Variants in DSCAM observed in about 807,000 individuals in gnomAD.
The protein encoded by DSCAM is cell adhesion molecule DSCAM.
Under a neutral mutation model 217.7 loss-of-function variants are expected in DSCAM, and 47 were observed. The observed-to-expected ratio is 0.22, with a 90% CI of 0.17 to 0.28. The LOEUF (loss-of-function observed/expected upper bound fraction) is 0.28, where lower values mean the gene tolerates loss of function less well. DSCAM is among the 10% of genes least tolerant of loss of function. DSCAM has a pLI of 1.00. For synonymous variants in DSCAM, 1,056 were observed against 1,015.3 expected, an observed-to-expected ratio of 1.04 and a Z score of -0.76; for missense variants, 2,080 against 2,618.3, an observed-to-expected ratio of 0.79 and a Z score of 4.49.
chr21:40,718,255 G>A (rs917318435), intron 1 of DSCAM, among the ~76,000 whole-genome samples: 2 of 152,146 alleles, frequency 1.3e-5, no homozygotes, highest in Non-Finnish European at 2.9e-5. Context: ...TTGGAAATAG[G>A]AGTCCAAGAC....
rs576161361 is a variant in DSCAM, at chr21:40,517,123, G to GTA, written c.509-147880_509-147879dup. Among the ~76,000 whole-genome samples, 1,101 of 146,208 alleles carry GTA rather than the reference G, an allele frequency of 7.5e-3. 11 individuals are homozygous for GTA. Among genetic ancestry groups the GTA allele is most frequent in the African/African-American group, 0.024 (942 of 39,778 alleles). On this transcript the variant is annotated intron_variant, in intron 3 of 32. Transcript: ENST00000400454. ...ATATACCCCCACACATACCTTATGT[G>GTA]TATATATATATACCTTATATATTTA...
At chr21:40,342,626 G>GTGTATA (rs1491362590) in intron 6 of DSCAM, among the ~76,000 whole-genome samples, 40 of 94,712 alleles carry the variant, frequency 4.2e-4, no homozygotes, top group Non-Finnish European at 7.1e-4. Flanking sequence ...GTGTGTGTGT[G>GTGTATA]TATATATATA....
intron 3 of DSCAM, among the ~76,000 whole-genome samples, chr21:40,653,287 G>A (rs1041201711): frequency 3.3e-5 from 5 of 152,216 alleles, no homozygotes; most frequent in African/African-American, 1.2e-4. Context: ...TCCTGTTAAC[G>A]ACACGGTCTT....
At chr21:40,805,910 A>G (rs563066410) in intron 1 of DSCAM, among the ~76,000 whole-genome samples, 1 of 151,994 alleles carries the variant, frequency 6.6e-6, no homozygotes, top group South Asian at 2.1e-4. Flanking sequence ...GGGTTTCACC[A>G]TGTTAGCCAG....
rs562454689 is a variant in DSCAM at position 40,498,260 on chromosome 21, C to T, written c.509-129015G>A. ...TGAAGGCAACAATGACCCACCATTACGAGCTGAGTAACCTTAAAGAGCTCA... is the reference window on the plus strand; with the variant it reads ...TGAAGGCAACAATGACCCACCATTATGAGCTGAGTAACCTTAAAGAGCTCA... On this transcript the variant is annotated intron_variant, in intron 3 of 32. Transcript: ENST00000400454. Among the ~76,000 whole-genome samples, 4 of 152,202 alleles carry T rather than the reference C, an allele frequency of 2.6e-5. No individual in the cohort carries two copies. The East Asian group carries it at 7.7e-4, about 29-fold the overall frequency.
intron 3 of DSCAM, among the ~76,000 whole-genome samples, chr21:40,466,750 A>G (rs889327420): frequency 6.6e-6 from 1 of 152,046 alleles, no homozygotes; most frequent in Non-Finnish European, 1.5e-5. Flanking sequence ...TGAGGGTAAC[A>G]TGTTATAAAT....
chr21:40,556,632 T>A (rs1389266623), intron 3 of DSCAM, among the ~76,000 whole-genome samples: 1 of 150,910 alleles, frequency 6.6e-6, no homozygotes, highest in East Asian at 2.0e-4. Context: ...TGTGTGAAGA[T>A]CACATGGAGA....
chr21:40,657,605 A>G (rs944675680), intron 3 of DSCAM, among the ~76,000 whole-genome samples: 2 of 152,224 alleles, frequency 1.3e-5, no homozygotes, highest in African/African-American at 2.4e-5. Context: ...ACCCTAAAGC[A>G]ATGTGACCAC....
intron 32 of DSCAM, among the ~76,000 whole-genome samples, chr21:40,040,929 A>G (rs1045728098): frequency 2.1e-5 from 1 of 47,668 alleles, no homozygotes; most frequent in Admixed American, 2.2e-4. Flanking sequence ...AACAACACGA[A>G]AAAAAAAAAA....
Position 40,101,127 on chromosome 21 carries a change from A to G in DSCAM, c.3697-7253T>C, listed in dbSNP as rs144039093. Among the ~76,000 whole-genome samples, 445 of 152,304 alleles carry G rather than the reference A, an allele frequency of 2.9e-3. 3 individuals carry two copies. The highest frequency in any genetic ancestry group is 0.01 in the African/African-American group (421 of 41,572). On this transcript the variant is annotated intron_variant, in intron 20 of 32. Transcript: ENST00000400454. Reference sequence around the variant, plus strand: ...GCTTATTTTTAATCCTGCTCTGTCTATGCCCAGCTTGAGGAAGTGGATGGG... The same window carrying G: ...GCTTATTTTTAATCCTGCTCTGTCTGTGCCCAGCTTGAGGAAGTGGATGGG...
chr21:40,075,095 A>T lies in DSCAM; in HGVS notation c.4830T>A (p.Phe1610Leu), dbSNP rs1183479220. The T allele has an allele frequency of 1.2e-6, 2 of 1,614,064 alleles. No individual in the cohort carries two copies. Among genetic ancestry groups the T allele is most frequent in the Non-Finnish European group, 1.7e-6 (2 of 1,180,036 alleles). ...TCCTCCGCACAACCAGCAGGAGCAC[A>T]AACAGCAGCAAGACCCCCACCAGGA... ...SCILVGVLLL[F>L]VLLLVVRRRR... The change falls in exon 27 of 33, where the codon TTT (phenylalanine) becomes TTA (leucine). Residue 1610 changes from phenylalanine to leucine, a missense_variant. By Grantham distance (22) the Phe-to-Leu change is conservative. Around this residue, in one of 5 missense-constraint regions of DSCAM, gnomAD observed 1,144 missense variants for 1,421.1 expected, o/e 0.81. Coordinates refer to ENST00000400454, the MANE Select transcript of DSCAM (RefSeq NM_001389.5).
chr21:40,736,520 G>A (rs7283625), intron 1 of DSCAM, among the ~76,000 whole-genome samples: 6,845 of 152,232 alleles, frequency 0.045, 153 homozygotes, highest in Middle Eastern at 0.085. Flanking sequence ...GTATCCACAG[G>A]GTTGATTTCT....
intron 3 of DSCAM, among the ~76,000 whole-genome samples, chr21:40,497,942 T>C (rs2076132567): frequency 6.6e-6 from 1 of 152,226 alleles, no homozygotes; most frequent in Non-Finnish European, 1.5e-5. Context: ...ACTAAAATTA[T>C]GAAATATGAA....
At chr21:40,627,432 C>T (rs953259005) in intron 3 of DSCAM, among the ~76,000 whole-genome samples, 5 of 152,176 alleles carry the variant, frequency 3.3e-5, no homozygotes, top group Non-Finnish European at 7.4e-5. Context: ...AAAGCCTTAA[C>T]AATTCTGTGA....
At chr21:40,456,899 C>T (rs1453430164) in intron 3 of DSCAM, among the ~76,000 whole-genome samples, 1 of 151,996 alleles carries the variant, frequency 6.6e-6, no homozygotes, top group Non-Finnish European at 1.5e-5. Flanking sequence ...ATTGTCTCTC[C>T]ACATTTATTC....
At chr21:40,453,422 A>G (rs1325226905) in intron 3 of DSCAM, among the ~76,000 whole-genome samples, 1 of 152,188 alleles carries the variant, frequency 6.6e-6, no homozygotes, top group African/African-American at 2.4e-5. Context: ...GCACTATGAC[A>G]GGCAAATGAC....
At chr21:40,433,831 G>A (rs952141879) in intron 3 of DSCAM, among the ~76,000 whole-genome samples, 18 of 152,192 alleles carry the variant, frequency 1.2e-4, no homozygotes, top group African/African-American at 4.3e-4. Flanking sequence ...GACATCATCT[G>A]AGGTAGAAGA....
intron 32 of DSCAM, among the ~76,000 whole-genome samples, chr21:40,015,415 CTCT>C (rs944908816): frequency 6.9e-5 from 4 of 57,920 alleles, no homozygotes; most frequent in African/African-American, 1.7e-4. Context: ...TATCTCTTGA[CTCT>C]TTTTTTTTTT....
chr21:40,230,589 A>G (rs1368710047), intron 11 of DSCAM, among the ~76,000 whole-genome samples: 2 of 152,130 alleles, frequency 1.3e-5, no homozygotes, highest in Non-Finnish European at 2.9e-5. Context: ...ATTTATTGCT[A>G]TACATTTTAC....
Sources: allele counts gnomAD v4.1 joint callset (sites outside exome capture counted in the v4.1 genomes callset), GRCh38; gene constraint gnomAD v4.1.1; regional missense constraint gnomAD v4.1.1; transcripts MANE v1.5; gene names NCBI Gene and HGNC (gene_info 2026-07-23, HGNC 2026-07-21).